Variants in C10orf71 observed in about 807,000 individuals in gnomAD.
The protein encoded by C10orf71 is chromosome 10 open reading frame 71.
For synonymous variants in C10orf71, 758 were observed against 726.3 expected (o/e 1.04, Z -0.70); for missense variants, 1,869 against 1,804.5 (o/e 1.04, Z -0.65).
Position 49,326,758 on chromosome 10 carries a change from C to T in C10orf71, c.4213C>T (p.Pro1405Ser). 1 of 1,551,218 alleles carries T rather than the reference C, an allele frequency of 6.4e-7. No homozygotes were observed. Among genetic ancestry groups the T allele is most frequent in the Non-Finnish European group, 8.7e-7 (1 of 1,146,994 alleles). ...TGCAGGCCAGCGCCCTCATGGTCCTCCCCAGAGCCCAGGAGAGGAGGGTGT... is the reference window on the plus strand; with the variant it reads ...TGCAGGCCAGCGCCCTCATGGTCCTTCCCAGAGCCCAGGAGAGGAGGGTGT... ...HSAGQRPHGP[P>S]QSPGEEGVEA... The change falls in exon 3 of 3, where the codon CCC becomes TCC. Residue 1405 changes from proline (P) to serine (S), a missense_variant. Transcript: ENST00000374144.
At chr10:49,303,879 TA>T (rs1209531198) in intron 1 of C10orf71, among the ~76,000 whole-genome samples, 1 of 152,216 alleles carries the variant, frequency 6.6e-6, no homozygotes, top group Non-Finnish European at 1.5e-5. Context: ...TGAGCCGCCT[TA>T]CCCCTGCTGT....
chr10:49,299,520 G>T (rs1848687531), intron 1 of C10orf71: 1 of 152,884 alleles, frequency 6.5e-6, no homozygotes, highest in African/African-American at 2.4e-5. Context: ...TGGCGGGAGG[G>T]ATGTTCCCGC....
chr10:49,308,782 C>T (rs777317665), intron 1 of C10orf71, among the ~76,000 whole-genome samples: 2 of 152,206 alleles, frequency 1.3e-5, no homozygotes, highest in Non-Finnish European at 2.9e-5. Flanking sequence ...TTAAGTCACG[C>T]TTACGAGATC....
In C10orf71 at chr10:49,299,170, G is replaced by A. The variant is rs368678239; in HGVS notation, c.-311G>A. ...TGACACCACGCGGGTGTTGCAGTGCGGACTGTTTGCCTCTTCCCCACCAAG... is the reference window on the plus strand; with the variant it reads ...TGACACCACGCGGGTGTTGCAGTGCAGACTGTTTGCCTCTTCCCCACCAAG... On this transcript the variant is annotated 5_prime_UTR_variant, in exon 1 of 3. Transcript: ENST00000374144. 1 of 152,116 alleles carries A rather than the reference G, an allele frequency of 6.6e-6. No homozygotes were observed. Among genetic ancestry groups the A allele is most frequent in the East Asian group, 1.9e-4 (1 of 5,162 alleles). 9.4% of individuals were successfully genotyped at this position (152,116 alleles called of 1,614,324 possible). A position where few individuals can be genotyped will look rare whatever the true frequency, so the allele number is the denominator to read the frequency against.
chr10:49,312,401 C>T (rs1230719583), intron 1 of C10orf71, among the ~76,000 whole-genome samples: 2 of 152,194 alleles, frequency 1.3e-5, no homozygotes, highest in Non-Finnish European at 2.9e-5. Flanking sequence ...CAGAACATGG[C>T]GCTGTTGAGT....
Position 49,326,813 on chromosome 10 carries a change from C to A in C10orf71, c.4268C>A (p.Thr1423Asn). The A allele has an allele frequency of 6.5e-7, 1 of 1,549,000 alleles. No individual in the cohort carries two copies. The highest frequency in any genetic ancestry group is 8.7e-7 in the Non-Finnish European group (1 of 1,146,872). The change falls in exon 3 of 3, where the codon ACT (threonine) becomes AAT (asparagine). Residue 1423 changes from threonine (T) to asparagine (N), a missense_variant. Thr to Asn is a moderately conservative substitution (Grantham distance 65, BLOSUM62 0). Transcript: ENST00000374144. ...GCTCCAGGCCTGGGCATCATCTCCA[C>A]TGATGACCTAGAGGACTTTGCCACA... Reference protein sequence around the residue: ...VEAPGLGIISTDDLEDFATEG... With the variant: ...VEAPGLGIISNDDLEDFATEG...
intron 2 of C10orf71, among the ~76,000 whole-genome samples, chr10:49,321,759 T>C (rs1234316856): frequency 6.6e-6 from 1 of 152,242 alleles, no homozygotes; most frequent in African/African-American, 2.4e-5. Flanking sequence ...AGGCATGATG[T>C]GATATGTCAT....
In C10orf71 at chr10:49,302,120, G is replaced by C. The variant is rs112117130; in HGVS notation, c.-248+2887G>C. 1.2e-3 allele frequency among the ~76,000 whole-genome samples: 177 copies of C among 152,292 alleles called. 1 individual carries two copies. The highest frequency in any genetic ancestry group is 4.2e-3 in the African/African-American group (175 of 41,542). On this transcript the variant is annotated intron_variant, in intron 1 of 2. Transcript: ENST00000374144. ...TTGAGGAGGGCAGGGGGAAGGGGAG[G>C]CTCTCCAATTTGCTTGGGAAGCCTC...
At chr10:49,319,387 G>A (rs191479351) in intron 2 of C10orf71, among the ~76,000 whole-genome samples, 40 of 152,032 alleles carry the variant, frequency 2.6e-4, no homozygotes, top group African/African-American at 8.7e-4. Flanking sequence ...CAAGGATGTG[G>A]AGAAACTGGA....
chr10:49,303,305 G>A (rs557027913), intron 1 of C10orf71, among the ~76,000 whole-genome samples: 4 of 152,312 alleles, frequency 2.6e-5, no homozygotes, highest in South Asian at 2.1e-4. Flanking sequence ...GTGGATGGGA[G>A]GTCAAGCCTG....
chr10:49,311,870 C>CTTT (rs1290046599), intron 1 of C10orf71, among the ~76,000 whole-genome samples: 1 of 152,066 alleles, frequency 6.6e-6, no homozygotes, highest in Non-Finnish European at 1.5e-5. Context: ...ACTTGAGGGT[C>CTTT]TGCATAGGCA....
Position 49,325,020 on chromosome 10 carries a change from T to A in C10orf71, c.2475T>A (p.Ser825=). Residue 825 remains serine, a synonymous_variant, in exon 3 of 3, where the codon TCT becomes TCA. Transcript: ENST00000374144. The part of the protein sequence containing the change: ...ASAEEANFRG[S]WIGENKGTTF... Reference sequence around the variant, plus strand: ...CAGAGGAAGCTAATTTCAGAGGCTCTTGGATTGGGGAAAATAAGGGCACAA... The same window carrying A: ...CAGAGGAAGCTAATTTCAGAGGCTCATGGATTGGGGAAAATAAGGGCACAA... 6.4e-7 allele frequency: 1 copy of A among 1,551,738 alleles called. No individual in the cohort carries two copies. Among genetic ancestry groups the A allele is most frequent in the South Asian group, 1.2e-5 (1 of 84,056 alleles).
intron 2 of C10orf71, among the ~76,000 whole-genome samples, chr10:49,317,688 A>G (rs1050866792): frequency 2.6e-5 from 4 of 152,272 alleles, no homozygotes; most frequent in African/African-American, 9.6e-5. Flanking sequence ...CCATTTATAC[A>G]AAAAATAGAA....
rs758897625 is a variant in C10orf71 at position 49,323,157 on chromosome 10, C to A, written c.612C>A (p.Asn204Lys). 2 of 1,613,966 alleles carry A rather than the reference C, an allele frequency of 1.2e-6. No homozygotes were observed. The highest frequency in any genetic ancestry group is 8.5e-7 in the Non-Finnish European group (1 of 1,179,900). ...GGAGGGTGCCCGCTGAAGTTTCCAACACCCATCAGAACAGCTACCAGCCAG... is the reference window on the plus strand; with the variant it reads ...GGAGGGTGCCCGCTGAAGTTTCCAAAACCCATCAGAACAGCTACCAGCCAG... Reference protein sequence around the residue: ...TVRRVPAEVSNTHQNSYQPGR... With the variant: ...TVRRVPAEVSKTHQNSYQPGR... Residue 204 changes from asparagine to lysine, a missense_variant, in exon 3 of 3, where the codon AAC becomes AAA. By Grantham distance (94) the Asn-to-Lys change is moderately conservative. Transcript: ENST00000374144.
At chr10:49,302,223 G>T (rs1848740998) in intron 1 of C10orf71, among the ~76,000 whole-genome samples, 2 of 152,212 alleles carry the variant, frequency 1.3e-5, no homozygotes, top group South Asian at 4.1e-4. Flanking sequence ...CACTGAGCCT[G>T]CCTGTGAGGG....
At chr10:49,298,101 AGCC>A (rs1848665908), upstream of C10orf71, among the ~76,000 whole-genome samples, 1 of 152,230 alleles carries the variant, frequency 6.6e-6, no homozygotes, top group South Asian at 2.1e-4. Flanking sequence ...CCTGGCTGTC[AGCC>A]GGTTCAAGGC....
Position 49,324,474 on chromosome 10 carries a change from A to T in C10orf71, c.1929A>T (p.Lys643Asn). Residue 643 changes from lysine (K) to asparagine (N), a missense_variant, in exon 3 of 3, where the codon AAA becomes AAT. By Grantham distance (94) the Lys-to-Asn change is moderately conservative (BLOSUM62 0). Coordinates refer to ENST00000374144, the MANE Select transcript of C10orf71 (RefSeq NM_001135196.2). The part of the protein sequence containing the change: ...CPDSREHRPR[K>N]HLSLRLCNRD... The stretch of plus-strand genomic sequence containing the variant: ...ACTCCAGGGAACACCGCCCCAGGAA[A>T]CACCTCTCCCTGAGGCTTTGCAATA... 1 of 1,608,716 alleles carries T rather than the reference A, an allele frequency of 6.2e-7. No homozygotes were observed. The highest frequency in any genetic ancestry group is 8.5e-7 in the Non-Finnish European group (1 of 1,177,274).
chr10:49,316,968 G>A (rs902097382), intron 2 of C10orf71, among the ~76,000 whole-genome samples: 2 of 152,188 alleles, frequency 1.3e-5, no homozygotes, highest in African/African-American at 4.8e-5. Context: ...TAATACGAGG[G>A]TGTGTTTAAT....
In C10orf71 at chr10:49,326,598, C is replaced by T. The variant is rs1849256288; in HGVS notation, c.4053C>T (p.Cys1351=). ...TGACGGCCTTGATGCCGCTGCGCTG[C>T]TCCTCTCAGCTCTCCGCGCCCACCT... is the stretch of plus-strand genomic sequence containing the variant. ...VPVTALMPLR[C]SSQLSAPTFL... is the part of the protein sequence containing the mutation. The change falls in exon 3 of 3, where the codon TGC becomes TGT. Residue 1351 remains cysteine (C), a synonymous_variant. Transcript: ENST00000374144. The T allele has an allele frequency of 1.0e-5, 16 of 1,550,504 alleles. No homozygotes were observed. Among genetic ancestry groups the T allele is most frequent in the Non-Finnish European group, 1.4e-5 (16 of 1,146,876 alleles).
Sources: gnomAD v4.1 joint callset for allele counts (sites outside exome capture counted in the v4.1 genomes callset) on GRCh38, gnomAD v4.1.1 for gene constraint, MANE v1.5 for transcripts, NCBI Gene and HGNC (gene_info 2026-07-23, HGNC 2026-07-21) for gene names.